The following DEPDC1B variants were observed in gnomAD, a reference collection of about 807,000 sequenced individuals.
The protein encoded by DEPDC1B is DEP domain-containing protein 1B.
In DEPDC1B, 51 loss-of-function variants were observed where a neutral mutation model predicts 66.5. That is an observed-to-expected ratio of 0.77 (90% confidence interval 0.61 to 0.97). DEPDC1B has a LOEUF of 0.97. Among genes scored for constraint, DEPDC1B ranks in the 50% least tolerant of loss-of-function variants. The pLI, the probability that DEPDC1B is intolerant of heterozygous loss-of-function variation, is 0.00. For synonymous variants in DEPDC1B, 226 were observed against 223.6 expected, an observed-to-expected ratio of 1.01 and a Z score of -0.10; for missense variants, 552 against 637.1, an observed-to-expected ratio of 0.87 and a Z score of 1.44.
intron 2 of DEPDC1B, among the ~76,000 whole-genome samples, chr5:60,662,538 A>G (rs1158367750): frequency 1.3e-5 from 2 of 152,232 alleles, no homozygotes; most frequent in Admixed American, 6.5e-5. Context: ...TGCTTTAGTC[A>G]TGGCCCTCAG....
chr5:60,624,340 C>T (rs1209133009), intron 7 of DEPDC1B, among the ~76,000 whole-genome samples: 2 of 152,144 alleles, frequency 1.3e-5, no homozygotes, highest in African/African-American at 4.8e-5. Context: ...CTGGGATAAA[C>T]CCTACTTGGC....
At chr5:60,694,231 A>C (rs930153843) in intron 1 of DEPDC1B, among the ~76,000 whole-genome samples, 3 of 152,146 alleles carry the variant, frequency 2.0e-5, no homozygotes, top group African/African-American at 7.2e-5. Context: ...AATGAGATCA[A>C]TCATGTTGTA....
intron 7 of DEPDC1B, among the ~76,000 whole-genome samples, chr5:60,636,940 C>A (rs1753056922): frequency 6.6e-6 from 1 of 152,052 alleles, no homozygotes; most frequent in African/African-American, 2.4e-5. Flanking sequence ...TCATGCCTAG[C>A]TGAGATCAAA....
At chr5:60,602,744 CAACTTTATAAAGAAAG>C (rs1345765223) in intron 9 of DEPDC1B, among the ~76,000 whole-genome samples, 1 of 152,186 alleles carries the variant, frequency 6.6e-6, no homozygotes, top group East Asian at 1.9e-4. Context: ...CTAATCTTCA[CAACTTTATAAAGAAAG>C]AATAGCCCAT....
At position 60,687,139 on chromosome 5, in the gene DEPDC1B, G is replaced by A. The variant is rs761969318; in HGVS notation, c.137C>T (p.Ala46Val). 9.3e-6 allele frequency: 15 copies of A among 1,614,034 alleles called. No individual in the cohort carries two copies. The highest frequency in any genetic ancestry group is 4.5e-5 in the East Asian group (2 of 44,898). Residue 46 changes from alanine to valine, a missense_variant, in exon 2 of 11, where the codon GCG (alanine) becomes GTG (valine). Transcript: ENST00000265036. ...ATGCAGCCAATCCACAGCTTCGGCCGCTGTGAAACAATGCTCATAGCTCTT... is the reference window on the plus strand; with the variant it reads ...ATGCAGCCAATCCACAGCTTCGGCCACTGTGAAACAATGCTCATAGCTCTT... ...RFKSYEHCFT[A>V]AEAVDWLHEL...
At position 60,599,104 on chromosome 5, in the gene DEPDC1B, T is replaced by TG; in HGVS notation, c.1398dup (p.Asn467GlnfsTer17). On this transcript the variant is annotated frameshift_variant, in exon 10 of 11. Coordinates refer to ENST00000265036, the MANE Select transcript of DEPDC1B (RefSeq NM_018369.3). LOFTEE classifies it high-confidence loss of function. ...TTCAGTTTCTTCTTTTTCTCTTTGT[T>TG]GGAGAGTTTGGCATCTGTTATGACT... 6.2e-7 allele frequency: 1 copy of TG among 1,603,942 alleles called. No homozygotes were observed. The highest frequency in any genetic ancestry group is 8.5e-7 in the Non-Finnish European group (1 of 1,176,792).
intron 2 of DEPDC1B, among the ~76,000 whole-genome samples, chr5:60,653,368 T>C (rs1753499891): frequency 6.6e-6 from 1 of 151,406 alleles, no homozygotes. Context: ...TGACCATTTT[T>C]TCATGTGTTT....
chr5:60,623,103 A>C (rs1418273746), intron 7 of DEPDC1B, among the ~76,000 whole-genome samples: 4 of 152,144 alleles, frequency 2.6e-5, no homozygotes, highest in Non-Finnish European at 1.5e-5. Flanking sequence ...TTCTTTTGGA[A>C]GGTTTTTAGA....
intron 7 of DEPDC1B, among the ~76,000 whole-genome samples, chr5:60,623,511 G>T (rs1752752096): frequency 6.6e-6 from 1 of 151,892 alleles, no homozygotes; most frequent in South Asian, 2.1e-4. Context: ...CAGATTATTT[G>T]TATTTCCAAA....
chr5:60,678,288 C>T (rs2112008650), intron 2 of DEPDC1B, among the ~76,000 whole-genome samples: 1 of 152,282 alleles, frequency 6.6e-6, no homozygotes, highest in South Asian at 2.1e-4. Flanking sequence ...AGCGGTGCTA[C>T]ATTGTATGGA....
At position 60,668,232 on chromosome 5, in the gene DEPDC1B, TTTATATATATATATAAAATGGATA is replaced by T. The variant is rs1561385135; in HGVS notation, c.314+18706_314+18729del. On this transcript the variant is annotated intron_variant, in intron 2 of 10. Transcript: ENST00000265036. ...TTATATATATATATAAAATGGATAT[TTTATATATATATATAAAATGGATA>T]TTATATATATATATATATATATGTA... Among the ~76,000 whole-genome samples, 20 of 64,520 alleles carry T rather than the reference TTTATATATATATATAAAATGGATA, an allele frequency of 3.1e-4. 1 individual carries two copies. The highest frequency in any genetic ancestry group is 5.7e-4 in the Admixed American group (3 of 5,232). 42.3% of individuals were successfully genotyped at this position (64,520 alleles called of 152,430 possible). A position where few individuals can be genotyped will look rare whatever the true frequency, so the allele number is the denominator to read the frequency against.
chr5:60,657,772 T>G (rs964828725), intron 2 of DEPDC1B, among the ~76,000 whole-genome samples: 11 of 152,328 alleles, frequency 7.2e-5, no homozygotes, highest in Admixed American at 5.9e-4. Flanking sequence ...TGTGCCTAGG[T>G]GATTACCTTT....
chr5:60,694,834 T>G (rs761793524), intron 1 of DEPDC1B, among the ~76,000 whole-genome samples: 2 of 152,250 alleles, frequency 1.3e-5, no homozygotes, highest in African/African-American at 4.8e-5. Context: ...CCATTTAATA[T>G]GTACTGATGA....
chr5:60,640,501 T>G (rs1298332007), intron 6 of DEPDC1B, among the ~76,000 whole-genome samples: 1 of 152,230 alleles, frequency 6.6e-6, no homozygotes, highest in African/African-American at 2.4e-5. Flanking sequence ...TTAAAAATTT[T>G]TTTTATAAAT....
intron 7 of DEPDC1B, among the ~76,000 whole-genome samples, chr5:60,612,737 T>C (rs1752449079): frequency 6.7e-6 from 1 of 150,136 alleles, no homozygotes; most frequent in African/African-American, 2.4e-5. Flanking sequence ...CTTTGGACTG[T>C]GCTATAGCCG....
intron 1 of DEPDC1B, among the ~76,000 whole-genome samples, chr5:60,696,030 C>T (rs1754646644): frequency 6.6e-6 from 1 of 152,188 alleles, no homozygotes; most frequent in Non-Finnish European, 1.5e-5. Flanking sequence ...ATCTCCTGAC[C>T]TCGTGATCCA....
Position 60,652,447 on chromosome 5 carries a change from C to T in DEPDC1B, c.315-4914G>A, listed in dbSNP as rs995265429. The stretch of plus-strand genomic sequence containing the variant: ...TTAAGATGATAAAGCAATGAGTCAT[C>T]TGTTTCTTGTTCTCCAGAGCTGGTT... On this transcript the variant is annotated intron_variant, in intron 2 of 10. Transcript: ENST00000265036. Among the ~76,000 whole-genome samples the T allele has an allele frequency of 3.4e-5, 5 of 149,060 alleles. No individual in the cohort carries two copies. The South Asian group carries it at 1.1e-3, about 33-fold the overall frequency.
At chr5:60,646,746 T>A (rs1753326779) in intron 3 of DEPDC1B, among the ~76,000 whole-genome samples, 2 of 152,216 alleles carry the variant, frequency 1.3e-5, no homozygotes, top group Admixed American at 1.3e-4. Context: ...TGAAGCTTCA[T>A]CTGTATTTAC....
intron 6 of DEPDC1B, among the ~76,000 whole-genome samples, chr5:60,640,488 T>C (rs1203373602): frequency 2.0e-5 from 3 of 152,232 alleles, no homozygotes; most frequent in East Asian, 1.9e-4. Flanking sequence ...ACTTTAATAA[T>C]ATTTAAAAAT....
Sources: allele counts gnomAD v4.1 joint callset (sites outside exome capture counted in the v4.1 genomes callset), GRCh38; gene constraint gnomAD v4.1.1; transcripts MANE v1.5; gene names NCBI Gene and HGNC (gene_info 2026-07-23, HGNC 2026-07-21).